CRAMP1: variants seen among roughly 807,000 people sequenced by gnomAD.
The protein encoded by CRAMP1 is cramped chromatin regulator 1.
A neutral mutation model predicts 115.4 loss-of-function variants in CRAMP1; 50 were observed. The observed-to-expected ratio is 0.43, with a 90% confidence interval of 0.35 to 0.55. The LOEUF is 0.55. Among genes scored for constraint, CRAMP1 ranks in the 20% least tolerant of loss-of-function variants. The pLI is 0.01. For missense variants in CRAMP1, 1,679 were observed against 1,721.7 expected, an observed-to-expected ratio of 0.98 and a Z score of 0.44; for synonymous variants, 866 against 745.4, an observed-to-expected ratio of 1.16 and a Z score of -2.64.
chr16:1,626,082 G>C lies in CRAMP1; in HGVS notation c.456G>C (p.Glu152Asp), dbSNP rs1302237508. 7.7e-6 allele frequency: 12 copies of C among 1,551,286 alleles called. No individual in the cohort carries two copies. Among genetic ancestry groups the C allele is most frequent in the Non-Finnish European group, 5.2e-6 (6 of 1,146,856 alleles). ...GGAACTTAGGGTCTTCTGGTGGCGAGAAGGAAGAAGGCAAAAAGGTCCGGC... is the reference window on the plus strand; with the variant it reads ...GGAACTTAGGGTCTTCTGGTGGCGACAAGGAAGAAGGCAAAAAGGTCCGGC... ...SSRNLGSSGG[E>D]KEEGKKVRRQ... Residue 152 changes from glutamate (E) to aspartate (D), a missense_variant, in exon 3 of 21, where the codon GAG becomes GAC. Transcript: ENST00000397412.
intron 19 of CRAMP1, 177 bp from the exon 20 acceptor site, chr16:1,670,487 C>A (rs944219319): frequency 1.0e-5 from 7 of 667,566 alleles, no homozygotes; most frequent in Middle Eastern, 3.9e-4. Context: ...GCCTGTTAAA[C>A]GAGAAGAGCT....
chr16:1,643,630 T>G (rs182672729), intron 6 of CRAMP1, among the ~76,000 whole-genome samples: 235 of 152,054 alleles, frequency 1.5e-3, no homozygotes, highest in African/African-American at 5.2e-3. Flanking sequence ...CTGTACTCAG[T>G]AGCATGTGTG....
chr16:1,612,465 GCGCC>G lies in CRAMP1; in HGVS notation c.-193_-190del, dbSNP rs2036356700. 1 of 151,248 alleles carries G rather than the reference GCGCC, an allele frequency of 6.6e-6. No individual in the cohort carries two copies. The highest frequency in any genetic ancestry group is 2.4e-5 in the African/African-American group (1 of 41,304). 9.4% of individuals were successfully genotyped at this position (151,248 alleles called of 1,614,324 possible). A position where few individuals can be genotyped will look rare whatever the true frequency, so the allele number is the denominator to read the frequency against. On this transcript the variant is annotated 5_prime_UTR_variant, in exon 1 of 21. Transcript: ENST00000397412. The stretch of plus-strand genomic sequence containing the variant: ...CTGCGTCCGCAGCCCCCGCAGCCGC[GCGCC>G]GGCCCGCGGAGGGGACGTGCCGGGG...
At chr16:1,668,502 C>G (rs1327056162) in intron 18 of CRAMP1, among the ~76,000 whole-genome samples, 1 of 152,158 alleles carries the variant, frequency 6.6e-6, no homozygotes. Context: ...CCTGAGCAGG[C>G]GGCCTGGGGT....
At chr16:1,625,373 AT>A (rs1485843219) in intron 2 of CRAMP1, among the ~76,000 whole-genome samples, 4 of 152,120 alleles carry the variant, frequency 2.6e-5, no homozygotes, top group African/African-American at 9.7e-5. Context: ...TGATGCTATA[AT>A]AGGATTTGCA....
At chr16:1,630,627 C>T (rs1355862309) in intron 3 of CRAMP1, among the ~76,000 whole-genome samples, 4 of 152,230 alleles carry the variant, frequency 2.6e-5, no homozygotes, top group Non-Finnish European at 5.9e-5. Context: ...AAGGGTCCCA[C>T]TCAGGTCCAT....
chr16:1,647,151 A>G, intron 6 of CRAMP1: 2 of 685,814 alleles, frequency 2.9e-6, no homozygotes, highest in South Asian at 3.1e-5. Context: ...TGTCGCCTCT[A>G]CCTCTCATGC....
chr16:1,643,703 G>A (rs2142188063), intron 6 of CRAMP1, among the ~76,000 whole-genome samples: 1 of 152,348 alleles, frequency 6.6e-6, no homozygotes, highest in East Asian at 1.9e-4. Context: ...ATCGAAATGT[G>A]TCATGAGCTT....
intron 10 of CRAMP1, among the ~76,000 whole-genome samples, chr16:1,658,010 C>A (rs919506124): frequency 6.6e-6 from 1 of 152,184 alleles, no homozygotes; most frequent in African/African-American, 2.4e-5. Flanking sequence ...CCCCACACAC[C>A]CACTGCTCCA....
intron 2 of CRAMP1, 101 bp from the exon 3 acceptor site, chr16:1,625,872 G>A: frequency 2.5e-6 from 3 of 1,179,066 alleles, no homozygotes; most frequent in Non-Finnish European, 2.4e-6. Flanking sequence ...AGTGTGGAGT[G>A]GGACCTCAGG....
In CRAMP1 at chr16:1,672,332, G is replaced by A. The variant is rs1459594435; in HGVS notation, c.3645+1523G>A. Among the ~76,000 whole-genome samples, 2 of 152,186 alleles carry A rather than the reference G, an allele frequency of 1.3e-5. No individual in the cohort carries two copies. The highest frequency in any genetic ancestry group is 1.9e-4 in the East Asian group (1 of 5,192). On this transcript the variant is annotated intron_variant, in intron 20 of 20. Coordinates refer to ENST00000397412, the MANE Select transcript of CRAMP1 (RefSeq NM_020825.4). This position sits in a 1 kb window ranked among gnomAD's most constrained non-coding sequence, Gnocchi z 4.9. ...TCACCTTCAGAAAGAGCAGATCAGCGTTTAGCATGAGATTTTCCCGAGAGC... is the reference window on the plus strand; with the variant it reads ...TCACCTTCAGAAAGAGCAGATCAGCATTTAGCATGAGATTTTCCCGAGAGC...
chr16:1,613,738 G>A (rs2036386586), intron 1 of CRAMP1, among the ~76,000 whole-genome samples: 1 of 152,122 alleles, frequency 6.6e-6, no homozygotes, highest in Non-Finnish European at 1.5e-5. Flanking sequence ...TAACACCATT[G>A]TCTTCTACCG....
At chr16:1,625,598 A>G (rs1271759450) in intron 2 of CRAMP1, 1 of 165,820 alleles carries the variant, frequency 6.0e-6, no homozygotes, top group Admixed American at 6.1e-5. Flanking sequence ...TTAACCAAAA[A>G]CCTCATTTAC....
At chr16:1,615,643 C>G (rs1229512927) in intron 2 of CRAMP1, among the ~76,000 whole-genome samples, 1 of 152,188 alleles carries the variant, frequency 6.6e-6, no homozygotes, top group African/African-American at 2.4e-5. Flanking sequence ...GAGAATGTTG[C>G]TACTTAGCTG....
At chr16:1,621,357 C>G (rs1282353004) in intron 2 of CRAMP1, among the ~76,000 whole-genome samples, 1 of 152,250 alleles carries the variant, frequency 6.6e-6, no homozygotes, top group Non-Finnish European at 1.5e-5. Flanking sequence ...GTCTGCACAG[C>G]AGGCTGTGGC....
intron 2 of CRAMP1, among the ~76,000 whole-genome samples, chr16:1,622,386 A>G (rs542972625): frequency 6.6e-6 from 1 of 152,170 alleles, no homozygotes; most frequent in Non-Finnish European, 1.5e-5. Flanking sequence ...GGTGGTGTGC[A>G]CCCATAATCC....
intron 3 of CRAMP1, among the ~76,000 whole-genome samples, chr16:1,631,383 A>G (rs764494120): frequency 6.6e-6 from 1 of 152,118 alleles, no homozygotes; most frequent in Non-Finnish European, 1.5e-5. Context: ...CTGCCAGTGT[A>G]TTCTCGTGTG....
intron 1 of CRAMP1, among the ~76,000 whole-genome samples, chr16:1,613,088 C>A (rs1366508669): frequency 1.3e-5 from 2 of 152,128 alleles, no homozygotes; most frequent in African/African-American, 4.8e-5. Flanking sequence ...GGACAGGTCC[C>A]TGGGCAGCGG....
At chr16:1,661,192 C>T (rs916947152) in intron 11 of CRAMP1, among the ~76,000 whole-genome samples, 2 of 152,114 alleles carry the variant, frequency 1.3e-5, no homozygotes, top group African/African-American at 2.4e-5. Context: ...TGTTGGGGCT[C>T]ATACCTGTGG....
Sources: allele counts gnomAD v4.1 joint callset (sites outside exome capture counted in the v4.1 genomes callset), GRCh38; gene constraint gnomAD v4.1.1; non-coding constraint Gnocchi (gnomAD v3.1); transcripts MANE v1.5; gene names NCBI Gene and HGNC (gene_info 2026-07-23, HGNC 2026-07-21).